Variants in UTRN observed in about 807,000 individuals in gnomAD.
UTRN encodes dystrophin-related protein 1.
In UTRN, 283 loss-of-function variants were observed where a neutral mutation model predicts 463.9. The observed-to-expected ratio is 0.61, with a 90% CI of 0.55 to 0.67. The LOEUF (loss-of-function observed/expected upper bound fraction) is 0.67, where lower values mean the gene tolerates loss of function less well. Ranked by LOEUF, UTRN falls within the 30% of genes least tolerant of loss-of-function variation. The pLI, the probability that UTRN is intolerant of heterozygous loss-of-function variation, is 0.00. For missense variants in UTRN, 3,922 were observed against 4,084.3 expected (o/e 0.96, Z 1.08); for synonymous variants, 1,442 against 1,431.5 (o/e 1.01, Z -0.17).
At chr6:144,604,195 C>T (rs1334630886) in intron 51 of UTRN, among the ~76,000 whole-genome samples, 4 of 152,156 alleles carry the variant, frequency 2.6e-5, no homozygotes, top group Admixed American at 2.6e-4. Context: ...TCTTACCCAG[C>T]ACATTGCCTA....
intron 2 of UTRN, chr6:144,312,099 C>T (rs372682456): frequency 2.0e-5 from 3 of 152,100 alleles, no homozygotes; most frequent in African/African-American, 4.8e-5. Context: ...TCAACCTCCT[C>T]GTGTTGTAAA....
Position 144,754,733 on chromosome 6 carries a change from A to T in UTRN, c.8369A>T (p.Asp2790Val). Residue 2790 changes from aspartate (D) to valine (V), a missense_variant, in exon 57 of 75, where the codon GAT becomes GTT. By Grantham distance (152) the Asp-to-Val change is radical (BLOSUM62 -3). Transcript: ENST00000367545. ...RWKLLQVSVDDRLKQLQEAHR... is the reference protein window; with the variant it reads ...RWKLLQVSVDVRLKQLQEAHR... ...GTATGTGTGCAGGTTTCTGTGGATG[A>T]TCGCCTTAAACAGCTTCAGGAAGCC... 1.9e-6 allele frequency: 3 copies of T among 1,613,564 alleles called. No homozygotes were observed. Among genetic ancestry groups the T allele is most frequent in the Non-Finnish European group, 2.5e-6 (3 of 1,179,726 alleles).
At chr6:144,789,383 T>G (rs1586581573) in intron 62 of UTRN, 104 bp downstream of exon 62, 18 of 1,006,668 alleles carry the variant, frequency 1.8e-5, no homozygotes, top group South Asian at 5.3e-5. Flanking sequence ...GTAATAGTTC[T>G]CTCTCTTTTT....
In UTRN at chr6:144,439,506, T is replaced by C. The variant is rs370484694; in HGVS notation, c.1392+611T>C. Among the ~76,000 whole-genome samples the C allele has an allele frequency of 2.0e-4, 30 of 152,248 alleles. No individual in the cohort carries two copies. In the East Asian group the frequency reaches 2.9e-3, roughly 15 times the overall value. ...ATAAATTTTCTTTCTTTCTTTCTTT[T>C]TTTTGAGATGGAGTCTTGCTCTGTC... On this transcript the variant is annotated intron_variant, in intron 12 of 74. Coordinates refer to ENST00000367545, the MANE Select transcript of UTRN (RefSeq NM_007124.3).
At chr6:144,624,207 T>C (rs1775714351) in intron 51 of UTRN, among the ~76,000 whole-genome samples, 2 of 152,070 alleles carry the variant, frequency 1.3e-5, no homozygotes, top group Non-Finnish European at 2.9e-5. Flanking sequence ...TAAAATTAGG[T>C]CAGATAATAC....
chr6:144,625,028 C>G (rs993072549), intron 51 of UTRN, among the ~76,000 whole-genome samples: 19 of 152,104 alleles, frequency 1.2e-4, no homozygotes, highest in African/African-American at 4.3e-4. Flanking sequence ...TTTCACTTTC[C>G]ACAGCAGTGG....
At chr6:144,779,423 T>C (rs900987076) in intron 60 of UTRN, among the ~76,000 whole-genome samples, 1 of 152,232 alleles carries the variant, frequency 6.6e-6, no homozygotes, top group Non-Finnish European at 1.5e-5. Flanking sequence ...TTTGATATGC[T>C]ATGTAATATA....
intron 14 of UTRN, among the ~76,000 whole-genome samples, chr6:144,446,752 G>A (rs981758977): frequency 1.3e-5 from 2 of 152,206 alleles, no homozygotes; most frequent in African/African-American, 4.8e-5. Flanking sequence ...CACTGGTTTT[G>A]GGGTGTGGAC....
rs1420092122 is a variant in UTRN, at chr6:144,846,862, T to A, written c.10293+35T>A. The A allele has an allele frequency of 1.9e-6, 3 of 1,613,556 alleles. No individual in the cohort carries two copies. In the Admixed American group the frequency reaches 5.0e-5, roughly 27 times the overall value. ...AATGGCTTGGTTGGCTCTATGTTAC[T>A]GATCCCAACCTAGAGTAAGCAGATT... On this transcript the variant is annotated intron_variant, in intron 74 of 74. Transcript: ENST00000367545.
rs56225626 is a variant in UTRN at position 144,289,469 on chromosome 6, T to A, written c.-92-2268T>A. On this transcript the variant is annotated intron_variant, in intron 1 of 74. Transcript: ENST00000367545. Reference sequence around the variant, plus strand: ...ACCCAGATGTCCTTTTTATTTTATTTTATTTTATTATTTAAAATTTTTATT... The same window carrying A: ...ACCCAGATGTCCTTTTTATTTTATTATATTTTATTATTTAAAATTTTTATT... Among the ~76,000 whole-genome samples, 738 of 152,254 alleles carry A rather than the reference T, an allele frequency of 4.8e-3. 6 individuals are homozygous for A. The highest frequency in any genetic ancestry group is 0.017 in the African/African-American group (699 of 41,550).
At position 144,540,715 on chromosome 6, in the gene UTRN, A is replaced by G. The variant is rs539191895; in HGVS notation, c.6519+1272A>G. ...AGTCAGAAATATTGGAGTCAATCCT[A>G]TGGTATATGAATTCTATCACAAAAA... On this transcript the variant is annotated intron_variant, in intron 45 of 74. Coordinates refer to ENST00000367545, the MANE Select transcript of UTRN (RefSeq NM_007124.3). Among the ~76,000 whole-genome samples the G allele has an allele frequency of 2.0e-5, 3 of 152,310 alleles. No individual in the cohort carries two copies. The South Asian group carries it at 6.2e-4, about 32-fold the overall frequency.
chr6:144,310,223 A>G (rs569449863), intron 2 of UTRN, among the ~76,000 whole-genome samples: 36 of 152,338 alleles, frequency 2.4e-4, no homozygotes, highest in Middle Eastern at 3.4e-3. Context: ...CTACATAGTG[A>G]AACCCCATCT....
intron 2 of UTRN, among the ~76,000 whole-genome samples, chr6:144,322,982 G>A (rs1213053968): frequency 6.6e-6 from 1 of 151,664 alleles, no homozygotes; most frequent in Non-Finnish European, 1.5e-5. Flanking sequence ...GCCATTGGAA[G>A]TCACTGTCTT....
chr6:144,426,822 A>G (rs555116795), intron 7 of UTRN, among the ~76,000 whole-genome samples: 10 of 152,332 alleles, frequency 6.6e-5, no homozygotes, highest in African/African-American at 1.7e-4. Context: ...TGTAAATTCA[A>G]TGCATTCCCA....
At chr6:144,495,382 G>A (rs901297785) in intron 33 of UTRN, among the ~76,000 whole-genome samples, 3 of 152,242 alleles carry the variant, frequency 2.0e-5, no homozygotes, top group East Asian at 1.9e-4. Flanking sequence ...CTCCACAGCC[G>A]CTGGCCCGGT....
intron 44 of UTRN, among the ~76,000 whole-genome samples, chr6:144,538,664 C>T (rs1197529176): frequency 5.6e-5 from 8 of 142,414 alleles, no homozygotes; most frequent in African/African-American, 1.8e-4. Flanking sequence ...AGCGAGACTC[C>T]GTCTCAAAAA....
chr6:144,571,677 C>A (rs1014928669), intron 50 of UTRN, among the ~76,000 whole-genome samples: 16 of 152,184 alleles, frequency 1.1e-4, no homozygotes, highest in Non-Finnish European at 2.1e-4. Flanking sequence ...AACATTATTA[C>A]CAGCTAAAAA....
intron 69 of UTRN, among the ~76,000 whole-genome samples, chr6:144,832,364 A>G (rs1020972509): frequency 1.1e-4 from 16 of 152,222 alleles, no homozygotes; most frequent in African/African-American, 2.2e-4. Flanking sequence ...AAAGAATGCA[A>G]TGATAGTGGG....
rs57479570 is a variant in UTRN at position 144,388,481 on chromosome 6, A to ATTATTTATTTATTTATTTAT, written c.80-14623_80-14604dup. ...GTGTGGACCATTCTGCCTGGCTAAT[A>ATTATTTATTTATTTATTTAT]TTATTTATTTATTTATTTATTTATT... On this transcript the variant is annotated intron_variant, in intron 2 of 74. Coordinates refer to ENST00000367545, the MANE Select transcript of UTRN (RefSeq NM_007124.3). 6.7e-3 allele frequency among the ~76,000 whole-genome samples: 967 copies of ATTATTTATTTATTTATTTAT among 143,956 alleles called. 16 individuals carry two copies. The highest frequency in any genetic ancestry group is 0.016 in the African/African-American group (614 of 37,532). 94.4% of individuals were successfully genotyped at this position (143,956 alleles called of 152,430 possible).
Sources: allele counts gnomAD v4.1 joint callset (sites outside exome capture counted in the v4.1 genomes callset), GRCh38; gene constraint gnomAD v4.1.1; transcripts MANE v1.5; gene names NCBI Gene and HGNC (gene_info 2026-07-23, HGNC 2026-07-21).